The following ADAMTS3 variants were observed in gnomAD, a reference collection of about 807,000 sequenced individuals.
ADAMTS3 encodes the protein ADAM metallopeptidase with thrombospondin type 1 motif 3, also known as A disintegrin and metalloproteinase with thrombospondin motifs 3.
ADAMTS3 carries 73 observed loss-of-function variants against 129.0 expected under a neutral mutation model. That is an observed-to-expected ratio of 0.57 (90% confidence interval 0.47 to 0.69). ADAMTS3 has a LOEUF of 0.69. Among genes scored for constraint, ADAMTS3 ranks in the 30% least tolerant of loss-of-function variants. ADAMTS3 has a pLI of 0.00. For synonymous variants in ADAMTS3, 477 were observed against 510.8 expected (o/e 0.93, Z 0.89); for missense variants, 1,457 against 1,514.5 (o/e 0.96, Z 0.63).
At chr4:72,383,259 C>A (rs1229337520) in intron 4 of ADAMTS3, among the ~76,000 whole-genome samples, 1 of 152,060 alleles carries the variant, frequency 6.6e-6, no homozygotes, top group South Asian at 2.1e-4. Flanking sequence ...GAAAAAAAAG[C>A]AGCTTTCTGA....
chr4:72,421,643 G>A (rs1479726133), intron 3 of ADAMTS3, among the ~76,000 whole-genome samples: 1 of 152,168 alleles, frequency 6.6e-6, no homozygotes, highest in East Asian at 1.9e-4. Flanking sequence ...AACTAGACAT[G>A]TAAAAACATT....
At chr4:72,387,915 C>T (rs72852011) in intron 4 of ADAMTS3, among the ~76,000 whole-genome samples, 2,032 of 151,998 alleles carry the variant, frequency 0.013, 44 homozygotes, top group African/African-American at 0.046. Flanking sequence ...TATTTAGCAA[C>T]ATTAGACACT....
Position 72,523,903 on chromosome 4 carries a change from G to A in ADAMTS3, c.504+24575C>T, listed in dbSNP as rs1182444163. Among the ~76,000 whole-genome samples, 3 of 152,150 alleles carry A rather than the reference G, an allele frequency of 2.0e-5. No homozygotes were observed. In the East Asian group the frequency reaches 5.8e-4, roughly 29 times the overall value. On this transcript the variant is annotated intron_variant, in intron 3 of 21. Coordinates refer to ENST00000286657, the MANE Select transcript of ADAMTS3 (RefSeq NM_014243.3). ...AATTGATCTACAATTGTTGTAACTT[G>A]AATTTGACCCTATTGGGGAAAAAAT... is the stretch of plus-strand genomic sequence containing the variant.
At chr4:72,395,015 C>G (rs1183078769) in intron 4 of ADAMTS3, among the ~76,000 whole-genome samples, 1 of 151,938 alleles carries the variant, frequency 6.6e-6, no homozygotes, top group African/African-American at 2.4e-5. Flanking sequence ...ACCTCCGCCT[C>G]CTGGGTGCAA....
At chr4:72,285,072 C>T (rs2365697) in intron 21 of ADAMTS3, among the ~76,000 whole-genome samples, 143,881 of 152,302 alleles carry the variant, frequency 0.94, 68,159 homozygotes, top group Non-Finnish European at 0.96. Flanking sequence ...TAATACTATA[C>T]TGCTAAGAAA....
intron 3 of ADAMTS3, among the ~76,000 whole-genome samples, chr4:72,450,922 G>GGGAAGGAAGGAAGGAAGGAAGGAA (rs4019789): frequency 6.9e-6 from 1 of 144,218 alleles, no homozygotes; most frequent in Non-Finnish European, 1.5e-5. Flanking sequence ...GAGGAGAGCA[G>GGGAAGGAAGGAAGGAAGGAAGGAA]GGAAGGAAGG....
At chr4:72,399,650 C>T (rs1188558514) in intron 4 of ADAMTS3, among the ~76,000 whole-genome samples, 2 of 151,082 alleles carry the variant, frequency 1.3e-5, no homozygotes, top group South Asian at 4.2e-4. Context: ...AATAAGTTTT[C>T]AGGAGGAACT....
At chr4:72,460,189 T>A (rs1271696502) in intron 3 of ADAMTS3, among the ~76,000 whole-genome samples, 1 of 151,582 alleles carries the variant, frequency 6.6e-6, no homozygotes, top group African/African-American at 2.4e-5. Flanking sequence ...AAAGATTTGT[T>A]CATTCTAAAT....
At chr4:72,533,135 T>C (rs776279956) in intron 3 of ADAMTS3, among the ~76,000 whole-genome samples, 1 of 152,190 alleles carries the variant, frequency 6.6e-6, no homozygotes, top group Non-Finnish European at 1.5e-5. Context: ...ACAAACACAT[T>C]GTACATCTGT....
intron 4 of ADAMTS3, among the ~76,000 whole-genome samples, chr4:72,388,792 G>A (rs1382491256): frequency 6.6e-6 from 1 of 152,138 alleles, no homozygotes; most frequent in Admixed American, 6.6e-5. Context: ...ATTCATTACA[G>A]TGAAAGCATA....
chr4:72,508,452 A>C (rs1422909023), intron 3 of ADAMTS3, among the ~76,000 whole-genome samples: 1 of 152,178 alleles, frequency 6.6e-6, no homozygotes, highest in East Asian at 1.9e-4. Context: ...TACATTAGGA[A>C]GATGAGTCAA....
In ADAMTS3 at chr4:72,394,398, C is replaced by T. The variant is rs74346694; in HGVS notation, c.661+20417G>A. 8.5e-5 allele frequency among the ~76,000 whole-genome samples: 13 copies of T among 152,332 alleles called. No individual in the cohort carries two copies. The East Asian group carries it at 1.7e-3, about 20-fold the overall frequency. ...CCAAGAAAGGAGTCCCAAAGCTCGC[C>T]ATGACTCAACAGGAAGCTCTTTGTG... On this transcript the variant is annotated intron_variant, in intron 4 of 21. Coordinates refer to ENST00000286657, the MANE Select transcript of ADAMTS3 (RefSeq NM_014243.3).
intron 3 of ADAMTS3, among the ~76,000 whole-genome samples, chr4:72,537,612 A>AAACAAC (rs147374829): frequency 6.6e-6 from 1 of 152,032 alleles, no homozygotes. Flanking sequence ...ACAAACAAAT[A>AAACAAC]AACAACAACA....
rs1553921133 is a variant in ADAMTS3 at position 72,530,081 on chromosome 4, T to TATTATA, written c.504+18396_504+18397insTATAAT. 8.6e-4 allele frequency among the ~76,000 whole-genome samples: 3 copies of TATTATA among 3,494 alleles called. 1 individual carries two copies. Among genetic ancestry groups the TATTATA allele is most frequent in the African/African-American group, 5.0e-3 (3 of 596 alleles). 2.3% of individuals were successfully genotyped at this position (3,494 alleles called of 152,430 possible). On this transcript the variant is annotated intron_variant, in intron 3 of 21. Coordinates refer to ENST00000286657, the MANE Select transcript of ADAMTS3 (RefSeq NM_014243.3). ...AATATGTTATATATAACATATTATA[T>TATTATA]TTATATATAATATGTTATATATAAC... is the stretch of plus-strand genomic sequence containing the variant.
rs750026635 is a variant in ADAMTS3, at chr4:72,315,967, C to T, written c.1490G>A (p.Arg497Gln). The T allele has an allele frequency of 3.6e-5, 58 of 1,597,862 alleles. No homozygotes were observed. Among genetic ancestry groups the T allele is most frequent in the Middle Eastern group, 1.7e-4 (1 of 6,036 alleles). ...GVGYKMCTAF[R>Q]TFDPCKQLWC... ...CAGCTGTTTACATGGGTCAAAGGTT[C>T]GGAACTGGAAGATAGATAATCAAAT... The change falls in exon 11 of 22, where the codon CGA becomes CAA. Residue 497 changes from arginine (R) to glutamine (Q), a missense_variant. Transcript: ENST00000286657.
intron 3 of ADAMTS3, among the ~76,000 whole-genome samples, chr4:72,516,623 T>C (rs943104943): frequency 2.6e-5 from 4 of 152,172 alleles, no homozygotes; most frequent in African/African-American, 9.7e-5. Context: ...TCACTCATGA[T>C]TTGGCTCTCT....
chr4:72,342,922 T>A lies in ADAMTS3; in HGVS notation c.662-3229A>T, dbSNP rs79153140. 4.5e-3 allele frequency among the ~76,000 whole-genome samples: 690 copies of A among 152,216 alleles called. 4 individuals are homozygous for A. The highest frequency in any genetic ancestry group is 0.016 in the African/African-American group (660 of 41,530). On this transcript the variant is annotated intron_variant, in intron 4 of 21. Coordinates refer to ENST00000286657, the MANE Select transcript of ADAMTS3 (RefSeq NM_014243.3). ...CATCTTGCACCAAGGAAATTCAGTATGCAGACACACACAAGAAGTGGGTTT... is the reference window on the plus strand; with the variant it reads ...CATCTTGCACCAAGGAAATTCAGTAAGCAGACACACACAAGAAGTGGGTTT...
chr4:72,398,191 G>T (rs1721775728), intron 4 of ADAMTS3, among the ~76,000 whole-genome samples: 1 of 152,074 alleles, frequency 6.6e-6, no homozygotes, highest in Admixed American at 6.6e-5. Context: ...ATGTTGAGGG[G>T]GAGCTCTATA....
Position 72,298,482 on chromosome 4 carries a change from G to T in ADAMTS3, c.2425-40C>A, listed in dbSNP as rs545411389. ...AAATCAATATGTAAATCACCTGAGG[G>T]TTTTAAATTTTGAGTGTAAAATTAC... On this transcript the variant is annotated intron_variant, in intron 17 of 21. Coordinates refer to ENST00000286657, the MANE Select transcript of ADAMTS3 (RefSeq NM_014243.3). 2.1e-5 allele frequency: 30 copies of T among 1,452,686 alleles called. No individual in the cohort carries two copies. In the South Asian group the frequency reaches 4.0e-4, roughly 19 times the overall value. 90.0% of individuals were successfully genotyped at this position (1,452,686 alleles called of 1,614,324 possible). A position where few individuals can be genotyped will look rare whatever the true frequency, so the allele number is the denominator to read the frequency against.
Sources: allele counts gnomAD v4.1 joint callset (sites outside exome capture counted in the v4.1 genomes callset), GRCh38; gene constraint gnomAD v4.1.1; transcripts MANE v1.5; gene names NCBI Gene and HGNC (gene_info 2026-07-23, HGNC 2026-07-21).